Variants in USP19 observed in about 807,000 individuals in gnomAD.
The protein encoded by USP19 is ubiquitin carboxyl-terminal hydrolase 19.
A neutral mutation model predicts 144.8 loss-of-function variants in USP19; 40 were observed. That is an observed-to-expected ratio of 0.28 (90% confidence interval 0.21 to 0.36). The LOEUF (loss-of-function observed/expected upper bound fraction) is 0.36, where lower values mean the gene tolerates loss of function less well. USP19 is among the 10% of genes least tolerant of loss of function. USP19 has a pLI of 1.00. For synonymous variants in USP19, 701 were observed against 709.3 expected, an observed-to-expected ratio of 0.99 and a Z score of 0.19; for missense variants, 1,518 against 1,822.5, an observed-to-expected ratio of 0.83 and a Z score of 3.04.
Position 49,116,489 on chromosome 3 carries a change from A to G in USP19, c.1245T>C (p.Leu415=). The G allele has an allele frequency of 6.2e-7, 1 of 1,614,212 alleles. No homozygotes were observed. Among genetic ancestry groups the G allele is most frequent in the Non-Finnish European group, 8.5e-7 (1 of 1,180,038 alleles). The change falls in exon 8 of 27, where the codon CTT becomes CTC. Residue 415 remains leucine (L), a synonymous_variant. Coordinates refer to ENST00000417901, the MANE Select transcript of USP19 (RefSeq NM_001199161.2). The surrounding 1 kb of genome is among the most constrained non-coding windows in gnomAD (Gnocchi z 5.0). ...KEICRDTSRV[L]FREQDFTLIF... ...TGAGCGTGAAGTCCTGCTCACGGAAAAGTACTCTTGAGGTGTCCCTGCAGA... is the reference window on the plus strand; with the variant it reads ...TGAGCGTGAAGTCCTGCTCACGGAAGAGTACTCTTGAGGTGTCCCTGCAGA...
Position 49,115,992 on chromosome 3 carries a change from G to A in USP19, c.1472-48C>T. 2 of 1,568,204 alleles carry A rather than the reference G, an allele frequency of 1.3e-6. No homozygotes were observed. The highest frequency in any genetic ancestry group is 1.7e-6 in the Non-Finnish European group (2 of 1,160,160). On this transcript the variant is annotated intron_variant, in intron 10 of 26. Transcript: ENST00000417901. This position sits in a 1 kb window ranked among gnomAD's most constrained non-coding sequence, Gnocchi z 6.6. ...GCTGGTGGTTAGCAGCATGTGACAG[G>A]GGTTTGGGTCCTGGTCACGTGGAAC... is the stretch of plus-strand genomic sequence containing the variant.
chr3:49,114,450 A>C lies in USP19; in HGVS notation c.2293-166T>G, dbSNP rs1418151037. Among the ~76,000 whole-genome samples the C allele has an allele frequency of 1.3e-5, 2 of 152,170 alleles. No individual in the cohort carries two copies. The highest frequency in any genetic ancestry group is 2.9e-5 in the Non-Finnish European group (2 of 68,034). On this transcript the variant is annotated intron_variant, in intron 15 of 26. Transcript: ENST00000417901. This position sits in a 1 kb window ranked among gnomAD's most constrained non-coding sequence, Gnocchi z 4.5. ...TAGACAGGGCAGGAGGACCACCAGGAAATAACAATCCTTCTTTCTGGCACT... is the reference window on the plus strand; with the variant it reads ...TAGACAGGGCAGGAGGACCACCAGGCAATAACAATCCTTCTTTCTGGCACT...
chr3:49,110,407 C>T lies in USP19; in HGVS notation c.3859+37G>A, dbSNP rs1419267431. The T allele has an allele frequency of 6.2e-7, 1 of 1,608,492 alleles. No individual in the cohort carries two copies. The highest frequency in any genetic ancestry group is 1.3e-5 in the African/African-American group (1 of 75,000). ...GTGTGAACAAAGTCTGCACCACCACCCCTACCACCTATCCTGCTGGCTGTG... is the reference window on the plus strand; with the variant it reads ...GTGTGAACAAAGTCTGCACCACCACTCCTACCACCTATCCTGCTGGCTGTG... On this transcript the variant is annotated intron_variant, in intron 25 of 26. Transcript: ENST00000417901. The surrounding 1 kb of genome is among the most constrained non-coding windows in gnomAD (Gnocchi z 6.1).
chr3:49,116,809 C>T lies in USP19; in HGVS notation c.1044G>A (p.Met348Ile). Residue 348 changes from methionine to isoleucine, a missense_variant, in exon 7 of 27, where the codon ATG becomes ATA. Met to Ile is a conservative substitution (Grantham distance 10). Transcript: ENST00000417901. The surrounding 1 kb of genome is among the most constrained non-coding windows in gnomAD (Gnocchi z 5.0). Reference sequence around the variant, plus strand: ...CTTTCCCAGGGTTTCTGCTCCGGACCATGGCTGGAGAGACTGGGTCATTCC... The same window carrying T: ...CTTTCCCAGGGTTTCTGCTCCGGACTATGGCTGGAGAGACTGGGTCATTCC... The part of the protein sequence containing the change: ...PPGNDPVSPA[M>I]VRSRNPGKDD... 1 of 1,614,102 alleles carries T rather than the reference C, an allele frequency of 6.2e-7. No homozygotes were observed. Among genetic ancestry groups the T allele is most frequent in the African/African-American group, 1.3e-5 (1 of 74,986 alleles).
In USP19 at chr3:49,110,103, G is replaced by A. The variant is rs2042917474; in HGVS notation, c.4038+81C>T. 1 of 1,408,852 alleles carries A rather than the reference G, an allele frequency of 7.1e-7. No individual in the cohort carries two copies. The allele number at this position is 1,408,852 out of a possible 1,614,324, so 87.3% of individuals were successfully genotyped here. A position where few individuals can be genotyped will look rare whatever the true frequency, so the allele number is the denominator to read the frequency against. ...AGGCTCAATGGGCCTGTGGCTGGAG[G>A]AGAGGAAGCTATATCCCCCAACCCG... On this transcript the variant is annotated intron_variant, in intron 26 of 26. Coordinates refer to ENST00000417901, the MANE Select transcript of USP19 (RefSeq NM_001199161.2). This position sits in a 1 kb window ranked among gnomAD's most constrained non-coding sequence, Gnocchi z 6.1.
Position 49,110,432 on chromosome 3 carries a change from G to T in USP19, c.3859+12C>A. 1 of 1,613,348 alleles carries T rather than the reference G, an allele frequency of 6.2e-7. No homozygotes were observed. Among genetic ancestry groups the T allele is most frequent in the South Asian group, 1.1e-5 (1 of 91,006 alleles). On this transcript the variant is annotated intron_variant, in intron 25 of 26. Transcript: ENST00000417901. The surrounding 1 kb of genome is among the most constrained non-coding windows in gnomAD (Gnocchi z 6.1). ...CCCTACCACCTATCCTGCTGGCTGTGTGTGCCCTCACCCACGTCACTGCGC... is the reference window on the plus strand; with the variant it reads ...CCCTACCACCTATCCTGCTGGCTGTTTGTGCCCTCACCCACGTCACTGCGC...
At chr3:49,119,718 G>A (rs1250428552) in intron 1 of USP19, among the ~76,000 whole-genome samples, 1 of 152,180 alleles carries the variant, frequency 6.6e-6, no homozygotes, top group Admixed American at 6.5e-5. Context: ...CAAGCCGCAG[G>A]AGAACCAGGC....
In USP19 at chr3:49,111,178, C is replaced by T; in HGVS notation, c.3329-12G>A. The T allele has an allele frequency of 6.2e-7, 1 of 1,614,038 alleles. No individual in the cohort carries two copies. Among genetic ancestry groups the T allele is most frequent in the Non-Finnish European group, 8.5e-7 (1 of 1,180,038 alleles). On this transcript the variant is annotated splice_polypyrimidine_tract_variant and intron_variant, in intron 22 of 26. Coordinates refer to ENST00000417901, the MANE Select transcript of USP19 (RefSeq NM_001199161.2). This position sits in a 1 kb window ranked among gnomAD's most constrained non-coding sequence, Gnocchi z 5.9. ...CAGTGGGGTGTCTCCTGGAGATTCG[C>T]AGGGAGAGAGGTCATGCAGCTGTGG...
chr3:49,110,522 A>G lies in USP19; in HGVS notation c.3781T>C (p.Tyr1261His), dbSNP rs367905575. 6.2e-7 allele frequency: 1 copy of G among 1,614,110 alleles called. No individual in the cohort carries two copies. Among genetic ancestry groups the G allele is most frequent in the South Asian group, 1.1e-5 (1 of 91,084 alleles). The change falls in exon 25 of 27, where the codon TAT (tyrosine) becomes CAT (histidine). Residue 1261 changes from tyrosine (Y) to histidine (H), a missense_variant. Tyr to His is a moderately conservative substitution (Grantham distance 83). Coordinates refer to ENST00000417901, the MANE Select transcript of USP19 (RefSeq NM_001199161.2). This position sits in a 1 kb window ranked among gnomAD's most constrained non-coding sequence, Gnocchi z 6.1. ...SYDLYAVINH[Y>H]GGMIGGHYTA... ...TAGTGGCCACCAATCATGCCTCCAT[A>G]GTGGTTGATGACAGCATATAGATCG...
chr3:49,108,837 AC>A lies in USP19; in HGVS notation c.4039-310del, dbSNP rs1328065143. 6.9e-7 allele frequency: 1 copy of A among 1,452,458 alleles called. No homozygotes were observed. The highest frequency in any genetic ancestry group is 9.1e-7 in the Non-Finnish European group (1 of 1,101,218). 90.0% of individuals were successfully genotyped at this position (1,452,458 alleles called of 1,614,324 possible). The stretch of plus-strand genomic sequence containing the variant: ...CCCCTGCAGGGGCCACAACCTCCCC[AC>A]CCTCTCCCACCAGATGCATAAGCTG... On this transcript the variant is annotated intron_variant, in intron 26 of 26. Transcript: ENST00000417901. This position sits in a 1 kb window ranked among gnomAD's most constrained non-coding sequence, Gnocchi z 4.8.
chr3:49,110,080 G>T lies in USP19; in HGVS notation c.4038+104C>A. ...CTCTGCAATTCTCATGAATCCCAAG[G>T]CTCAATGGGCCTGTGGCTGGAGGAG... On this transcript the variant is annotated intron_variant, in intron 26 of 26. Coordinates refer to ENST00000417901, the MANE Select transcript of USP19 (RefSeq NM_001199161.2). This position sits in a 1 kb window ranked among gnomAD's most constrained non-coding sequence, Gnocchi z 6.1. 7.5e-7 allele frequency: 1 copy of T among 1,325,770 alleles called. No individual in the cohort carries two copies. Among genetic ancestry groups the T allele is most frequent in the Non-Finnish European group, 9.9e-7 (1 of 1,009,546 alleles). 82.1% of individuals were successfully genotyped at this position (1,325,770 alleles called of 1,614,324 possible).
rs768196072 is a variant in USP19, at chr3:49,116,469, G to A, written c.1265C>T (p.Thr422Met). 36 of 1,614,212 alleles carry A rather than the reference G, an allele frequency of 2.2e-5. No homozygotes were observed. The highest frequency in any genetic ancestry group is 2.1e-4 in the South Asian group (19 of 91,088). The change falls in exon 8 of 27, where the codon ACG becomes ATG. Residue 422 changes from threonine to methionine, a missense_variant. Physicochemically the swap from Thr to Met is moderately conservative, Grantham distance 81. This residue lies in a region of USP19 where 707 missense variants were observed against 728.9 expected (regional missense o/e 0.97). Coordinates refer to ENST00000417901, the MANE Select transcript of USP19 (RefSeq NM_001199161.2). This position sits in a 1 kb window ranked among gnomAD's most constrained non-coding sequence, Gnocchi z 5.0. ...CACCCACCTGGTCTGGAAGATGAGC[G>A]TGAAGTCCTGCTCACGGAAAAGTAC... ...SRVLFREQDFTLIFQTRDGNF... is the reference protein window; with the variant it reads ...SRVLFREQDFMLIFQTRDGNF...
rs773500420 is a variant in USP19 at position 49,116,203 on chromosome 3, G to A, written c.1356-41C>T. 5 of 1,613,738 alleles carry A rather than the reference G, an allele frequency of 3.1e-6. No individual in the cohort carries two copies. The highest frequency in any genetic ancestry group is 4.2e-6 in the Non-Finnish European group (5 of 1,179,784). On this transcript the variant is annotated intron_variant, in intron 9 of 26. Coordinates refer to ENST00000417901, the MANE Select transcript of USP19 (RefSeq NM_001199161.2). This position sits in a 1 kb window ranked among gnomAD's most constrained non-coding sequence, Gnocchi z 5.0. ...GAACTCAGGGACTTAGGAGGAATGA[G>A]CATCAGGATAGATGAGCCAGGGAGA...
rs376717754 is a variant in USP19 at position 49,118,070 on chromosome 3, C to T, written c.175G>A (p.Gly59Ser). 6.3e-7 allele frequency: 1 copy of T among 1,577,656 alleles called. No homozygotes were observed. Among genetic ancestry groups the T allele is most frequent in the African/African-American group, 1.4e-5 (1 of 73,046 alleles). ...AQAGLEPLAS[G>S]DPSASASHAA... is the part of the protein sequence containing the mutation. ...TGGGAGGCTGAGGCAGAAGGATCAC[C>T]TGAGGCCAGAGGTTCAAGACCAGCC... The change falls in exon 3 of 27, where the codon GGT (glycine) becomes AGT (serine). Residue 59 changes from glycine to serine, a missense_variant. Coordinates refer to ENST00000417901, the MANE Select transcript of USP19 (RefSeq NM_001199161.2).
chr3:49,116,397 T>G lies in USP19; in HGVS notation c.1284-46A>C. ...AGGAGGAAGGACAAGAGGAAGAGCATGAGACATACTGTCCCACCTGAGGCA... is the reference window on the plus strand; with the variant it reads ...AGGAGGAAGGACAAGAGGAAGAGCAGGAGACATACTGTCCCACCTGAGGCA... On this transcript the variant is annotated intron_variant, in intron 8 of 26. Coordinates refer to ENST00000417901, the MANE Select transcript of USP19 (RefSeq NM_001199161.2). This position sits in a 1 kb window ranked among gnomAD's most constrained non-coding sequence, Gnocchi z 5.0. 2 of 1,613,976 alleles carry G rather than the reference T, an allele frequency of 1.2e-6. No individual in the cohort carries two copies. The highest frequency in any genetic ancestry group is 1.7e-6 in the Non-Finnish European group (2 of 1,179,902).
At position 49,115,489 on chromosome 3, in the gene USP19, T is replaced by C. The variant is rs1185394433; in HGVS notation, c.1843A>G (p.Ile615Val). 4 of 1,614,112 alleles carry C rather than the reference T, an allele frequency of 2.5e-6. No homozygotes were observed. The African/African-American group carries it at 4.0e-5, about 16-fold the overall frequency. ...LGNTCFMNSV[I>V]QSLSNTRELR... ...TCCCGAGTGTTGGACAGAGACTGAA[T>C]GACGCTGTTCATGAAGCAGGTGTTG... Residue 615 changes from isoleucine to valine, a missense_variant, in exon 12 of 27, where the codon ATT becomes GTT. Around this residue, in one of 5 missense-constraint regions of USP19, gnomAD observed 158 missense variants for 277.3 expected, o/e 0.57. Coordinates refer to ENST00000417901, the MANE Select transcript of USP19 (RefSeq NM_001199161.2). This position sits in a 1 kb window ranked among gnomAD's most constrained non-coding sequence, Gnocchi z 6.6.
In USP19 at chr3:49,111,795, G is replaced by C; in HGVS notation, c.2922C>G (p.Phe974Leu). Residue 974 changes from phenylalanine (F) to leucine (L), a missense_variant, in exon 21 of 27, where the codon TTC (phenylalanine) becomes TTG (leucine). Phe to Leu is a conservative substitution (Grantham distance 22, BLOSUM62 0). Coordinates refer to ENST00000417901, the MANE Select transcript of USP19 (RefSeq NM_001199161.2). The surrounding 1 kb of genome is among the most constrained non-coding windows in gnomAD (Gnocchi z 5.9). ...EGYARYSVSV[F>L]QPPFQPGRMA... ...TGCGGCCTGGCTGAAAGGGTGGCTG[G>C]AATACACTCACAGAGTACCTGGCAA... The C allele has an allele frequency of 6.4e-7, 1 of 1,561,546 alleles. No individual in the cohort carries two copies. The highest frequency in any genetic ancestry group is 8.7e-7 in the Non-Finnish European group (1 of 1,152,072).
At chr3:49,118,168 G>C (rs1378939995) in intron 2 of USP19, 48 bp from the exon 3 acceptor site, 1 of 756,096 alleles carries the variant, frequency 1.3e-6, no homozygotes, top group Non-Finnish European at 2.1e-6. Flanking sequence ...AGGAGGCTGA[G>C]GTAGGAGGAC....
chr3:49,110,649 C>T lies in USP19; in HGVS notation c.3699-45G>A, dbSNP rs764804050. 2.7e-5 allele frequency: 44 copies of T among 1,611,030 alleles called. No homozygotes were observed. The highest frequency in any genetic ancestry group is 8.9e-5 in the East Asian group (4 of 44,868). ...AGGGAGGGGTGAGACAGGCAACAGGCGCTCAGGATGCCCATCCTGGTCCTC... is the reference window on the plus strand; with the variant it reads ...AGGGAGGGGTGAGACAGGCAACAGGTGCTCAGGATGCCCATCCTGGTCCTC... On this transcript the variant is annotated intron_variant, in intron 24 of 26. Transcript: ENST00000417901. The surrounding 1 kb of genome is among the most constrained non-coding windows in gnomAD (Gnocchi z 6.1).
Sources: gnomAD v4.1 joint callset for allele counts (sites outside exome capture counted in the v4.1 genomes callset) on GRCh38, gnomAD v4.1.1 for gene constraint, gnomAD v4.1.1 regional missense constraint, Gnocchi (gnomAD v3.1) non-coding constraint, MANE v1.5 for transcripts, NCBI Gene and HGNC (gene_info 2026-07-23, HGNC 2026-07-21) for gene names.